NTM: variants seen among roughly 807,000 people sequenced by gnomAD.
The protein encoded by NTM is IgLON family member 2.
A neutral mutation model predicts 42.1 loss-of-function variants in NTM; 13 were observed. That is an observed-to-expected ratio of 0.31 (90% CI 0.20 to 0.49). The LOEUF is 0.49. NTM is among the 20% of genes least tolerant of loss of function. The pLI, the probability that NTM is intolerant of heterozygous loss-of-function variation, is 0.99. For synonymous variants in NTM, 187 were observed against 179.2 expected (o/e 1.04, Z -0.35); for missense variants, 373 against 452.8 (o/e 0.82, Z 1.60).
chr11:131,937,879 C>G (rs138279908), intron 2 of NTM, among the ~76,000 whole-genome samples: 3,512 of 152,184 alleles, frequency 0.023, 65 homozygotes, highest in Middle Eastern at 0.041. Context: ...AAATGAGATT[C>G]TTTCTTTAGG....
At chr11:131,860,064 G>A (rs549964198) in intron 1 of NTM, among the ~76,000 whole-genome samples, 1 of 152,294 alleles carries the variant, frequency 6.6e-6, no homozygotes, top group Admixed American at 6.5e-5. Context: ...ACTCCTGGGG[G>A]ATGATGCGTC....
Position 131,478,659 on chromosome 11 carries a change from C to T in NTM, c.82+107771C>T, listed in dbSNP as rs186899025. ...CATTCATAATCAGAGACTCTGACCA[C>T]GGTGGTTATAATTGTTAAAAGTGAT... On this transcript the variant is annotated intron_variant, in intron 1 of 8. Transcript: ENST00000683400. 7.2e-5 allele frequency among the ~76,000 whole-genome samples: 11 copies of T among 152,266 alleles called. No homozygotes were observed. The East Asian group carries it at 9.7e-4, about 13-fold the overall frequency.
chr11:132,310,056 CAAAAAA>C (rs71477755), intron 5 of NTM, 50 bp from the exon 6 acceptor site: 87 of 1,317,496 alleles, frequency 6.6e-5, no homozygotes, highest in South Asian at 1.7e-4. Flanking sequence ...GACTCCATCT[CAAAAAA>C]AAAAAAAAAA....
At position 131,568,976 on chromosome 11, in the gene NTM, T is replaced by C. The variant is rs1275304988; in HGVS notation, c.82+198088T>C. 2.6e-5 allele frequency among the ~76,000 whole-genome samples: 4 copies of C among 152,226 alleles called. No homozygotes were observed. The East Asian group carries it at 7.7e-4, about 29-fold the overall frequency. ...AAGTATCCACACACTTGGCTTTTAG[T>C]ATATCCATAGAATTTTGCATCCATT... On this transcript the variant is annotated intron_variant, in intron 1 of 8. Coordinates refer to ENST00000683400, the MANE Select transcript of NTM (RefSeq NM_001352005.2).
At chr11:131,496,767 C>T (rs1955388210) in intron 1 of NTM, among the ~76,000 whole-genome samples, 1 of 152,160 alleles carries the variant, frequency 6.6e-6, no homozygotes, top group African/African-American at 2.4e-5. Context: ...GCATGCTGGC[C>T]CAGACAGCAC....
At chr11:131,914,300 T>A (rs1344401471) in intron 2 of NTM, among the ~76,000 whole-genome samples, 1 of 152,152 alleles carries the variant, frequency 6.6e-6, no homozygotes, top group Admixed American at 6.5e-5. Context: ...CCATCTATCT[T>A]TCTTTCTTCT....
intron 2 of NTM, among the ~76,000 whole-genome samples, chr11:131,985,787 A>G (rs2065971420): frequency 6.6e-6 from 1 of 152,184 alleles, no homozygotes; most frequent in Non-Finnish European, 1.5e-5. Context: ...GTGCCCAAGA[A>G]GAAGAGAAAA....
chr11:131,588,890 T>C (rs1478980920), intron 1 of NTM, among the ~76,000 whole-genome samples: 1 of 152,212 alleles, frequency 6.6e-6, no homozygotes, highest in Non-Finnish European at 1.5e-5. Flanking sequence ...GCTCATGTGC[T>C]GTGATTTGGG....
At chr11:131,686,076 C>G (rs930609361) in intron 1 of NTM, among the ~76,000 whole-genome samples, 2 of 152,202 alleles carry the variant, frequency 1.3e-5, no homozygotes, top group African/African-American at 4.8e-5. Flanking sequence ...GGTCCCCTCC[C>G]CAGTCCCCAC....
At chr11:131,993,628 A>G (rs1440913139) in intron 2 of NTM, among the ~76,000 whole-genome samples, 1 of 152,180 alleles carries the variant, frequency 6.6e-6, no homozygotes, top group Non-Finnish European at 1.5e-5. Context: ...GATATAATTA[A>G]GAACAAAGAA....
chr11:132,298,743 A>G (rs1422849563), intron 4 of NTM, among the ~76,000 whole-genome samples: 1 of 152,226 alleles, frequency 6.6e-6, no homozygotes, highest in African/African-American at 2.4e-5. Context: ...GTTTCTACGT[A>G]TCTATAAAAT....
At chr11:131,922,925 T>C (rs895305512) in intron 2 of NTM, among the ~76,000 whole-genome samples, 13 of 152,210 alleles carry the variant, frequency 8.5e-5, no homozygotes, top group African/African-American at 3.1e-4. Context: ...TGCAGAACGC[T>C]GAACTTCTCT....
At chr11:132,269,097 C>A (rs2044727) in intron 4 of NTM, among the ~76,000 whole-genome samples, 46,171 of 151,996 alleles carry the variant, frequency 0.3, 7,301 homozygotes, top group African/African-American at 0.37. Flanking sequence ...GTAAGAGTGG[C>A]TGCTGTGTGA....
At chr11:131,772,680 T>C (rs573153625) in intron 1 of NTM, among the ~76,000 whole-genome samples, 32 of 152,310 alleles carry the variant, frequency 2.1e-4, no homozygotes, top group African/African-American at 7.5e-4. Context: ...CTTGTGAGAT[T>C]CTGAGGAGAC....
At chr11:131,381,583 A>G (rs1439546512) in intron 1 of NTM, among the ~76,000 whole-genome samples, 7 of 152,154 alleles carry the variant, frequency 4.6e-5, no homozygotes, top group African/African-American at 1.7e-4. Flanking sequence ...CTCCTTGTCC[A>G]AGGTCAAATA....
chr11:132,029,015 A>C (rs1257868706), intron 2 of NTM, among the ~76,000 whole-genome samples: 1 of 151,584 alleles, frequency 6.6e-6, no homozygotes, highest in Non-Finnish European at 1.5e-5. Flanking sequence ...TAGTTTTTCT[A>C]TCCTGATACT....
At chr11:131,537,099 C>A (rs1226326262) in intron 1 of NTM, 2 of 150,478 alleles carry the variant, frequency 1.3e-5, no homozygotes, top group African/African-American at 2.4e-5. Flanking sequence ...CTTGAGGGAG[C>A]TGGGTGCCTC....
intron 1 of NTM, among the ~76,000 whole-genome samples, chr11:131,598,669 T>G (rs1440972080): frequency 6.8e-6 from 1 of 147,990 alleles, no homozygotes; most frequent in Admixed American, 6.9e-5. Context: ...GAACTACTAC[T>G]CTCTTCTCAT....
intron 2 of NTM, among the ~76,000 whole-genome samples, chr11:132,145,638 C>T (rs1456547950): frequency 6.6e-6 from 1 of 152,190 alleles, no homozygotes; most frequent in Admixed American, 6.5e-5. Context: ...TTTAGTCTAG[C>T]AGTTAACCGA....
Sources: allele counts gnomAD v4.1 joint callset (sites outside exome capture counted in the v4.1 genomes callset), GRCh38; gene constraint gnomAD v4.1.1; transcripts MANE v1.5; gene names NCBI Gene and HGNC (gene_info 2026-07-23, HGNC 2026-07-21).